EPHB1: variants seen among roughly 807,000 people sequenced by gnomAD.
The protein encoded by EPHB1 is ephrin type-B receptor 1.
A neutral mutation model predicts 94.4 loss-of-function variants in EPHB1; 30 were observed. The ratio of observed to expected loss-of-function variants is 0.32; its 90% confidence interval spans 0.24 to 0.43. The LOEUF is 0.43. Among genes scored for constraint, EPHB1 ranks in the 20% least tolerant of loss-of-function variants. The pLI is 1.00. For synonymous variants in EPHB1, 522 were observed against 489.1 expected (o/e 1.07, Z -0.89); for missense variants, 1,055 against 1,308.3 (o/e 0.81, Z 2.99).
intron 1 of EPHB1, among the ~76,000 whole-genome samples, chr3:134,837,162 A>G (rs2036686378): frequency 6.6e-6 from 1 of 152,202 alleles, no homozygotes; most frequent in Non-Finnish European, 1.5e-5. Context: ...TCTGGAGAAT[A>G]CGAGCAACCA....
At chr3:134,880,206 C>T (rs1298711641) in intron 1 of EPHB1, among the ~76,000 whole-genome samples, 1 of 152,214 alleles carries the variant, frequency 6.6e-6, no homozygotes, top group Non-Finnish European at 1.5e-5. Flanking sequence ...TGCTATTCTC[C>T]AGCTGTTGAA....
chr3:135,114,408 A>C (rs1449989761), intron 4 of EPHB1, among the ~76,000 whole-genome samples: 1 of 151,706 alleles, frequency 6.6e-6, no homozygotes, highest in Non-Finnish European at 1.5e-5. Context: ...ATTAAATGCA[A>C]TATACTATTT....
At chr3:135,235,994 C>T (rs1005727735) in intron 12 of EPHB1, among the ~76,000 whole-genome samples, 18 of 152,198 alleles carry the variant, frequency 1.2e-4, no homozygotes, top group African/African-American at 4.3e-4. Flanking sequence ...CACCTAGGAA[C>T]TTAACAGTGG....
Position 135,259,452 on chromosome 3 carries a change from G to A in EPHB1, c.*332G>A. 4.3e-6 allele frequency: 1 copy of A among 230,540 alleles called. No individual in the cohort carries two copies. Among genetic ancestry groups the A allele is most frequent in the Non-Finnish European group, 8.6e-6 (1 of 116,632 alleles). 14.3% of individuals were successfully genotyped at this position (230,540 alleles called of 1,614,324 possible). On this transcript the variant is annotated 3_prime_UTR_variant, in exon 16 of 16. Transcript: ENST00000398015. ...AGTGGGCTGCAGTTGCCCAACCACAGGAAGAAAGGGAAGGAGGTAGAGGGA... is the reference window on the plus strand; with the variant it reads ...AGTGGGCTGCAGTTGCCCAACCACAAGAAGAAAGGGAAGGAGGTAGAGGGA...
At chr3:135,010,616 T>C (rs1935589479) in intron 3 of EPHB1, among the ~76,000 whole-genome samples, 1 of 145,616 alleles carries the variant, frequency 6.9e-6, no homozygotes, top group Admixed American at 7.1e-5. Context: ...CAGGCTGCAG[T>C]GCAATGGCAC....
chr3:134,874,240 A>G (rs909919167), intron 1 of EPHB1, among the ~76,000 whole-genome samples: 3 of 152,264 alleles, frequency 2.0e-5, no homozygotes, highest in African/African-American at 7.2e-5. Flanking sequence ...GCTGAAAGCC[A>G]ACATCCTTAG....
chr3:135,188,444 G>A (rs556286403), intron 10 of EPHB1, among the ~76,000 whole-genome samples: 1 of 152,204 alleles, frequency 6.6e-6, no homozygotes, highest in East Asian at 1.9e-4. Context: ...GCAGTGAGTC[G>A]AGATCACGCC....
At chr3:135,222,262 C>T (rs957876778) in intron 12 of EPHB1, among the ~76,000 whole-genome samples, 3 of 152,078 alleles carry the variant, frequency 2.0e-5, no homozygotes, top group African/African-American at 7.2e-5. Flanking sequence ...CTAGTGGATG[C>T]TTGAAAAAAT....
intron 1 of EPHB1, among the ~76,000 whole-genome samples, chr3:134,813,443 T>G (rs1410183141): frequency 6.6e-6 from 1 of 152,154 alleles, no homozygotes; most frequent in Non-Finnish European, 1.5e-5. Flanking sequence ...ATCTTTTGGT[T>G]TGGGGCTTTC....
At chr3:135,125,833 G>A (rs371649680) in intron 4 of EPHB1, among the ~76,000 whole-genome samples, 7 of 151,666 alleles carry the variant, frequency 4.6e-5, no homozygotes, top group South Asian at 2.1e-4. Flanking sequence ...TGCATATTTC[G>A]CCCCCATAGA....
chr3:134,984,741 CAGCAGATCCAGGTA>C (rs1934533743), intron 3 of EPHB1, among the ~76,000 whole-genome samples: 1 of 152,150 alleles, frequency 6.6e-6, no homozygotes, highest in Non-Finnish European at 1.5e-5. Flanking sequence ...AGAGGGATCA[CAGCAGATCCAGGTA>C]TGTGCCTCCA....
chr3:135,062,541 T>A (rs549878771), intron 3 of EPHB1, among the ~76,000 whole-genome samples: 1 of 152,310 alleles, frequency 6.6e-6, no homozygotes, highest in East Asian at 1.9e-4. Context: ...TGGGGTTTTT[T>A]TTTCTTGCTG....
chr3:135,164,166 C>T (rs1376648881), intron 7 of EPHB1, among the ~76,000 whole-genome samples: 5 of 152,122 alleles, frequency 3.3e-5, no homozygotes, highest in Non-Finnish European at 5.9e-5. Flanking sequence ...ATTTTTCTAT[C>T]GCCAACTTTA....
At chr3:135,002,694 T>C (rs1935227980) in intron 3 of EPHB1, among the ~76,000 whole-genome samples, 1 of 152,184 alleles carries the variant, frequency 6.6e-6, no homozygotes, top group South Asian at 2.1e-4. Context: ...TGGGAGAGTG[T>C]ATGTGTGAAG....
chr3:135,195,271 C>G (rs1441859991), intron 11 of EPHB1, among the ~76,000 whole-genome samples: 3 of 152,068 alleles, frequency 2.0e-5, no homozygotes, highest in Non-Finnish European at 2.9e-5. Flanking sequence ...GATTCATTCT[C>G]ATGAGCCTGC....
chr3:135,125,287 G>C (rs1429311579), intron 4 of EPHB1, among the ~76,000 whole-genome samples: 1 of 151,562 alleles, frequency 6.6e-6, no homozygotes, highest in Non-Finnish European at 1.5e-5. Flanking sequence ...CTCTGTTATT[G>C]GGATCTTATT....
At chr3:135,100,187 G>A (rs946036377) in intron 3 of EPHB1, among the ~76,000 whole-genome samples, 7 of 152,192 alleles carry the variant, frequency 4.6e-5, no homozygotes, top group African/African-American at 1.7e-4. Context: ...CCTCCCTGCG[G>A]TGTAGCTCTG....
At chr3:135,007,493 G>A (rs771195671) in intron 3 of EPHB1, among the ~76,000 whole-genome samples, 9 of 152,168 alleles carry the variant, frequency 5.9e-5, no homozygotes, top group East Asian at 1.9e-4. Flanking sequence ...ACTGTTGTTC[G>A]TATTATCTTG....
chr3:134,795,732 C>A (rs2035811800), intron 1 of EPHB1, 43 bp downstream of exon 1: 2 of 1,591,834 alleles, frequency 1.3e-6, no homozygotes, highest in East Asian at 4.5e-5. Context: ...TGGTGCCGGC[C>A]GCCTTGGGAC....
Sources: allele counts gnomAD v4.1 joint callset (sites outside exome capture counted in the v4.1 genomes callset), GRCh38; gene constraint gnomAD v4.1.1; transcripts MANE v1.5; gene names NCBI Gene and HGNC (gene_info 2026-07-23, HGNC 2026-07-21).